The following IGFBP4 variants were observed in gnomAD, a reference collection of about 807,000 sequenced individuals.
IGFBP4 encodes the protein insulin-like growth factor-binding protein 4.
In IGFBP4, 9 loss-of-function variants were observed where a neutral mutation model predicts 25.8. The ratio of observed to expected loss-of-function variants is 0.35; its 90% CI spans 0.21 to 0.61. The LOEUF is 0.61. Among genes scored for constraint, IGFBP4 ranks in the 20% least tolerant of loss-of-function variants. The pLI is 0.77. For synonymous variants in IGFBP4, 153 were observed against 153.9 expected, an observed-to-expected ratio of 0.99 and a Z score of 0.05; for missense variants, 315 against 365.3, an observed-to-expected ratio of 0.86 and a Z score of 1.12.
chr17:40,444,009 A>G lies in IGFBP4; in HGVS notation c.274A>G (p.Thr92Ala). 17 of 1,536,510 alleles carry G rather than the reference A, an allele frequency of 1.1e-5. No homozygotes were observed. Among genetic ancestry groups the G allele is most frequent in the Non-Finnish European group, 1.5e-5 (17 of 1,146,912 alleles). ...CCGAGGGGTGGAGAAGCCCCTGCAC[A>G]CACTGATGCACGGGCAAGGCGTGTG... The part of the protein sequence containing the change: ...PPRGVEKPLH[T>A]LMHGQGVCME... Residue 92 changes from threonine to alanine, a missense_variant, in exon 1 of 4, where the codon ACA becomes GCA. Thr to Ala is a moderately conservative substitution (Grantham distance 58, BLOSUM62 0). Transcript: ENST00000269593.
chr17:40,453,827 C>G lies in IGFBP4; in HGVS notation c.508-101C>G. Reference sequence around the variant, plus strand: ...TCCTGCCCAGCCCCTGGGGCTCAGGCCTCCTTTCGGGGCCTTCAGTTCTCA... The same window carrying G: ...TCCTGCCCAGCCCCTGGGGCTCAGGGCTCCTTTCGGGGCCTTCAGTTCTCA... On this transcript the variant is annotated intron_variant, in intron 2 of 3. Transcript: ENST00000269593. The surrounding 1 kb of genome is among the most constrained non-coding windows in gnomAD (Gnocchi z 4.0). 1 of 845,884 alleles carries G rather than the reference C, an allele frequency of 1.2e-6. No individual in the cohort carries two copies. The highest frequency in any genetic ancestry group is 1.8e-5 in the South Asian group (1 of 55,058). The allele number at this position is 845,884 out of a possible 1,614,324, so 52.4% of individuals were successfully genotyped here. A position where few individuals can be genotyped will look rare whatever the true frequency, so the allele number is the denominator to read the frequency against.
At chr17:40,445,863 C>T (rs757769487) in intron 1 of IGFBP4, among the ~76,000 whole-genome samples, 5 of 152,106 alleles carry the variant, frequency 3.3e-5, no homozygotes, top group Non-Finnish European at 5.9e-5. Flanking sequence ...GTAGCCTCCT[C>T]CTCTCTCAGC....
At chr17:40,454,710 C>A (rs763229811) in intron 3 of IGFBP4, among the ~76,000 whole-genome samples, 79 of 152,302 alleles carry the variant, frequency 5.2e-4, no homozygotes, top group Admixed American at 2.7e-3. Context: ...TGACAAGCCT[C>A]CAGGAGGCTG....
intron 1 of IGFBP4, among the ~76,000 whole-genome samples, chr17:40,446,338 G>A (rs893277915): frequency 2.4e-4 from 37 of 151,454 alleles, no homozygotes; most frequent in Non-Finnish European, 3.8e-4. Flanking sequence ...AAAGTAGGCC[G>A]GGTGCAGTGG....
rs1386232814 is a variant in IGFBP4, at chr17:40,454,054, C to A, written c.634C>A (p.Pro212Thr). The A allele has an allele frequency of 6.2e-7, 1 of 1,612,528 alleles. No homozygotes were observed. The highest frequency in any genetic ancestry group is 2.2e-5 in the East Asian group (1 of 44,692). ...PNCDRNGNFH[P>T]KQCHPALDGQ... is the part of the protein sequence containing the mutation. Reference sequence around the variant, plus strand: ...CTGCGACCGCAACGGCAACTTCCACCCCAAGCAGGTGGGTCTCTGTCTCCC... The same window carrying A: ...CTGCGACCGCAACGGCAACTTCCACACCAAGCAGGTGGGTCTCTGTCTCCC... The change falls in exon 3 of 4, where the codon CCC becomes ACC. Residue 212 changes from proline to threonine, a missense_variant. By Grantham distance (38) the Pro-to-Thr change is conservative. Coordinates refer to ENST00000269593, the MANE Select transcript of IGFBP4 (RefSeq NM_001552.3).
At chr17:40,446,955 C>G (rs886808761) in intron 1 of IGFBP4, among the ~76,000 whole-genome samples, 7 of 152,356 alleles carry the variant, frequency 4.6e-5, no homozygotes, top group Admixed American at 2.0e-4. Context: ...TGAGATAAGA[C>G]GACCAAGCCC....
intron 1 of IGFBP4, among the ~76,000 whole-genome samples, chr17:40,452,443 A>G (rs2035689152): frequency 1.3e-5 from 2 of 152,174 alleles, no homozygotes; most frequent in South Asian, 2.1e-4. Flanking sequence ...CACTCAGCCA[A>G]TGGGGAGAGC....
intron 1 of IGFBP4, among the ~76,000 whole-genome samples, chr17:40,447,192 G>A (rs2035652850): frequency 6.6e-6 from 1 of 152,176 alleles, no homozygotes; most frequent in Non-Finnish European, 1.5e-5. Context: ...TTTGCCCCAG[G>A]GGCAGATCTC....
At chr17:40,452,943 C>T (rs2143743652) in intron 1 of IGFBP4, 42 bp from the exon 2 acceptor site, 3 of 1,421,576 alleles carry the variant, frequency 2.1e-6, no homozygotes, top group East Asian at 5.4e-5. Flanking sequence ...ACGCTCTGAC[C>T]TCTTCCGGTG....
At chr17:40,446,114 T>G (rs2035643433) in intron 1 of IGFBP4, among the ~76,000 whole-genome samples, 1 of 149,260 alleles carries the variant, frequency 6.7e-6, no homozygotes, top group Non-Finnish European at 1.5e-5. Context: ...GGAGGATTGC[T>G]TGAGGCCAGG....
chr17:40,443,739 C>A lies in IGFBP4; in HGVS notation c.4C>A (p.Leu2Met). Residue 2 changes from leucine to methionine, a missense_variant, in exon 1 of 4, where the codon CTG becomes ATG. Transcript: ENST00000269593. M[L>M]PLCLVAALLL... ...CGCGCCCAGTCCTCGGGCGGTCATG[C>A]TGCCCCTCTGCCTCGTGGCCGCCCT... 6.8e-7 allele frequency: 1 copy of A among 1,464,024 alleles called. No individual in the cohort carries two copies. 90.7% of individuals were successfully genotyped at this position (1,464,024 alleles called of 1,614,324 possible). A position where few individuals can be genotyped will look rare whatever the true frequency, so the allele number is the denominator to read the frequency against.
intron 3 of IGFBP4, among the ~76,000 whole-genome samples, chr17:40,455,719 G>T (rs900224425): frequency 1.3e-5 from 2 of 152,088 alleles, no homozygotes; most frequent in African/African-American, 4.8e-5. Context: ...CGGACCTAAG[G>T]TGATCCACCC....
chr17:40,456,320 C>A, intron 3 of IGFBP4, 129 bp from the exon 4 acceptor site: 1 of 859,296 alleles, frequency 1.2e-6, no homozygotes, highest in Non-Finnish European at 1.8e-6. Flanking sequence ...AAAGAGTCAC[C>A]ACCCTCAGAG....
chr17:40,452,241 G>C (rs892845758), intron 1 of IGFBP4, among the ~76,000 whole-genome samples: 1 of 152,186 alleles, frequency 6.6e-6, no homozygotes, highest in Non-Finnish European at 1.5e-5. Context: ...TGGTGCCCTG[G>C]TTCTGGGCAA....
chr17:40,444,926 CAGAGACAGAGAG>C (rs1308118251), intron 1 of IGFBP4, among the ~76,000 whole-genome samples: 2,917 of 62,722 alleles, frequency 0.047, 182 homozygotes, highest in African/African-American at 0.12. Context: ...CACACACACA[CAGAGACAGAGAG>C]AGAGAGAGAG....
chr17:40,456,358 T>C, intron 3 of IGFBP4, 91 bp from the exon 4 acceptor site: 1 of 1,408,990 alleles, frequency 7.1e-7, no homozygotes, highest in Non-Finnish European at 9.9e-7. Context: ...ACCGTCTGAC[T>C]TGGGGGCTGG....
rs1337681813 is a variant in IGFBP4 at position 40,456,580 on chromosome 17, G to A, written c.774G>A (p.Glu258=). The A allele has an allele frequency of 6.2e-7, 1 of 1,612,252 alleles. No homozygotes were observed. Among genetic ancestry groups the A allele is most frequent in the East Asian group, 2.2e-5 (1 of 44,848 alleles). Residue 258 remains glutamate, a synonymous_variant, in exon 4 of 4, where the codon GAG becomes GAA. Coordinates refer to ENST00000269593, the MANE Select transcript of IGFBP4 (RefSeq NM_001552.3). ...DCHQLADSFR[E] ...ACCAGCTGGCTGACAGCTTTCGAGA[G>A]TGAGGCCTGCCAGCAGGCCAGGGAC...
chr17:40,454,855 T>C lies in IGFBP4; in HGVS notation c.642+793T>C, dbSNP rs114333735. On this transcript the variant is annotated intron_variant, in intron 3 of 3. Transcript: ENST00000269593. Reference sequence around the variant, plus strand: ...CCTAGCCTGGAGCTCTTTGTCGACGTAGACAGACCCATTTCCCTGCTCCAT... The same window carrying C: ...CCTAGCCTGGAGCTCTTTGTCGACGCAGACAGACCCATTTCCCTGCTCCAT... Among the ~76,000 whole-genome samples, 631 of 152,228 alleles carry C rather than the reference T, an allele frequency of 4.1e-3. 5 individuals carry two copies. The highest frequency in any genetic ancestry group is 0.015 in the African/African-American group (611 of 41,512).
intron 1 of IGFBP4, among the ~76,000 whole-genome samples, chr17:40,451,203 C>T (rs1243547438): frequency 6.6e-6 from 1 of 152,112 alleles, no homozygotes; most frequent in African/African-American, 2.4e-5. Flanking sequence ...GGACTGGAGT[C>T]CCCTCTGGAC....
Sources: allele counts gnomAD v4.1 joint callset (sites outside exome capture counted in the v4.1 genomes callset), GRCh38; gene constraint gnomAD v4.1.1; non-coding constraint Gnocchi (gnomAD v3.1); transcripts MANE v1.5; gene names NCBI Gene and HGNC (gene_info 2026-07-23, HGNC 2026-07-21).